Variants in DPP10 observed in about 807,000 individuals in gnomAD.
The protein encoded by DPP10 is inactive dipeptidyl peptidase 10.
Under a neutral mutation model 120.9 loss-of-function variants are expected in DPP10, and 33 were observed. That is an observed-to-expected ratio of 0.27 (90% confidence interval 0.21 to 0.37). The LOEUF (loss-of-function observed/expected upper bound fraction) is 0.37. Ranked by LOEUF, DPP10 falls within the 10% of genes least tolerant of loss-of-function variation. The pLI is 1.00. For missense variants in DPP10, 816 were observed against 942.8 expected (o/e 0.87, Z 1.76); for synonymous variants, 337 against 326.1 (o/e 1.03, Z -0.36).
At chr2:114,861,840 T>G (rs1689830825) in intron 1 of DPP10, among the ~76,000 whole-genome samples, 1 of 152,210 alleles carries the variant, frequency 6.6e-6, no homozygotes, top group African/African-American at 2.4e-5. Flanking sequence ...GCCAACTTTC[T>G]GTGGTCATTC....
chr2:115,124,399 C>T (rs1366983299), intron 1 of DPP10, among the ~76,000 whole-genome samples: 1 of 152,220 alleles, frequency 6.6e-6, no homozygotes, highest in African/African-American at 2.4e-5. Flanking sequence ...CCCTCATTAT[C>T]TGATCTTGAG....
At chr2:114,881,605 T>TATCTATCA (rs2106603051) in intron 1 of DPP10, among the ~76,000 whole-genome samples, 1 of 150,136 alleles carries the variant, frequency 6.7e-6, no homozygotes, top group South Asian at 2.1e-4. Flanking sequence ...TCTGTCTATC[T>TATCTATCA]ATCTATCTAT....
chr2:114,584,535 T>TCCCTCCC (rs1376216209), intron 1 of DPP10, among the ~76,000 whole-genome samples: 3 of 113,890 alleles, frequency 2.6e-5, no homozygotes, highest in African/African-American at 1.0e-4. Flanking sequence ...CCTAATGCTA[T>TCCCTCCC]CCCTCCCCCC....
At chr2:114,571,968 A>G (rs994114141) in intron 1 of DPP10, among the ~76,000 whole-genome samples, 1 of 148,804 alleles carries the variant, frequency 6.7e-6, no homozygotes, top group Non-Finnish European at 1.5e-5. Context: ...TATTGTGTAT[A>G]TATTATGTAT....
chr2:115,136,986 C>G (rs984927075), intron 1 of DPP10, among the ~76,000 whole-genome samples: 4 of 152,280 alleles, frequency 2.6e-5, no homozygotes, highest in Middle Eastern at 3.4e-3. Context: ...CTCTTTTGTA[C>G]TAGGTAGAGT....
chr2:115,002,937 G>A (rs780967183), intron 1 of DPP10, among the ~76,000 whole-genome samples: 11 of 152,008 alleles, frequency 7.2e-5, no homozygotes, highest in Non-Finnish European at 1.3e-4. Context: ...TTCAGCCATT[G>A]TGGAAAGCAG....
chr2:115,293,015 C>G (rs1007224624), intron 1 of DPP10, among the ~76,000 whole-genome samples: 1 of 152,010 alleles, frequency 6.6e-6, no homozygotes, highest in Non-Finnish European at 1.5e-5. Flanking sequence ...CCCTGGCACT[C>G]AGGTTTGGGG....
At chr2:115,200,794 T>C (rs543938268) in intron 1 of DPP10, among the ~76,000 whole-genome samples, 1 of 152,320 alleles carries the variant, frequency 6.6e-6, no homozygotes, top group East Asian at 1.9e-4. Flanking sequence ...CTTGAGTCAT[T>C]CCACACAATG....
intron 1 of DPP10, among the ~76,000 whole-genome samples, chr2:114,808,103 G>A (rs988222485): frequency 2.0e-5 from 3 of 152,060 alleles, no homozygotes; most frequent in South Asian, 2.1e-4. Context: ...ATGAACACAC[G>A]TCCTTTTATG....
In DPP10 at chr2:115,249,674, C is replaced by T. The variant is rs189763867; in HGVS notation, c.61-59565C>T. On this transcript the variant is annotated intron_variant, in intron 1 of 25. Transcript: ENST00000410059. ...GCCTTTTGAGTTCTACTTTTTTTCC[C>T]CTTTCAACAACTTCTACGTAAGAAG... 3.2e-4 allele frequency among the ~76,000 whole-genome samples: 48 copies of T among 152,084 alleles called. 1 individual carries two copies. The highest frequency in any genetic ancestry group is 3.1e-4 in the Non-Finnish European group (21 of 67,968).
In DPP10 at chr2:114,547,309, G is replaced by A. The variant is rs116342587; in HGVS notation, c.60+104471G>A. Reference sequence around the variant, plus strand: ...TGCTCCTCCACTCCTGCCCAGTCACGGCTGCTGCTGCTGCCCCTGCAGGGT... The same window carrying A: ...TGCTCCTCCACTCCTGCCCAGTCACAGCTGCTGCTGCTGCCCCTGCAGGGT... On this transcript the variant is annotated intron_variant, in intron 1 of 25. Coordinates refer to ENST00000410059, the MANE Select transcript of DPP10 (RefSeq NM_020868.6). 9.4e-3 allele frequency among the ~76,000 whole-genome samples: 1,434 copies of A among 152,294 alleles called. 15 individuals carry two copies. The highest frequency in any genetic ancestry group is 0.032 in the African/African-American group (1,347 of 41,566).
chr2:115,653,615 C>T (rs187909681), intron 5 of DPP10, among the ~76,000 whole-genome samples: 3 of 152,018 alleles, frequency 2.0e-5, no homozygotes, highest in East Asian at 1.9e-4. Context: ...CATAATTTTC[C>T]GGAAACACAA....
intron 1 of DPP10, among the ~76,000 whole-genome samples, chr2:114,827,763 T>A (rs1470634852): frequency 1.3e-5 from 2 of 152,180 alleles, no homozygotes; most frequent in African/African-American, 4.8e-5. Flanking sequence ...GGGAGGTAGA[T>A]CAAGTACAAC....
chr2:115,562,393 A>T (rs1182904586), intron 5 of DPP10, among the ~76,000 whole-genome samples: 1 of 152,138 alleles, frequency 6.6e-6, no homozygotes, highest in Non-Finnish European at 1.5e-5. Flanking sequence ...AACTCAGATG[A>T]TCATTTAAAG....
At chr2:114,466,824 G>A (rs535192383) in intron 1 of DPP10, among the ~76,000 whole-genome samples, 6 of 152,174 alleles carry the variant, frequency 3.9e-5, no homozygotes, top group Middle Eastern at 3.4e-3. Flanking sequence ...TGGGTGGGTC[G>A]CTTGAGGTCA....
In DPP10 at chr2:115,243,212, T is replaced by C. The variant is rs1039472233; in HGVS notation, c.61-66027T>C. The stretch of plus-strand genomic sequence containing the variant: ...CACCAGCTGCCTGACTGCTAAGGCG[T>C]TGACAACTATTTTTGTTTTAATTGT... On this transcript the variant is annotated intron_variant, in intron 1 of 25. Coordinates refer to ENST00000410059, the MANE Select transcript of DPP10 (RefSeq NM_020868.6). Among the ~76,000 whole-genome samples the C allele has an allele frequency of 3.9e-5, 6 of 152,182 alleles. No homozygotes were observed. In the East Asian group the frequency reaches 1.2e-3, roughly 29 times the overall value.
chr2:114,554,634 T>A (rs1688144158), intron 1 of DPP10, among the ~76,000 whole-genome samples: 1 of 152,174 alleles, frequency 6.6e-6, no homozygotes, highest in Non-Finnish European at 1.5e-5. Flanking sequence ...GGAAGGTACA[T>A]GTAGGGACAG....
At chr2:115,422,313 T>C (rs2070049874) in intron 3 of DPP10, among the ~76,000 whole-genome samples, 1 of 152,182 alleles carries the variant, frequency 6.6e-6, no homozygotes, top group Non-Finnish European at 1.5e-5. Flanking sequence ...CAAGAATACA[T>C]TTTTAGTATT....
At chr2:114,712,410 T>A (rs1558662001) in intron 1 of DPP10, among the ~76,000 whole-genome samples, 1 of 152,208 alleles carries the variant, frequency 6.6e-6, no homozygotes, top group African/African-American at 2.4e-5. Flanking sequence ...TTTATCCCCA[T>A]TTTTCAAATG....
Sources: gnomAD v4.1 joint callset for allele counts (sites outside exome capture counted in the v4.1 genomes callset) on GRCh38, gnomAD v4.1.1 for gene constraint, MANE v1.5 for transcripts, NCBI Gene and HGNC (gene_info 2026-07-23, HGNC 2026-07-21) for gene names.